The following MMGT1 variants were observed in gnomAD, a reference collection of about 807,000 sequenced individuals.
MMGT1 encodes the protein ER membrane protein complex subunit 5.
Under a neutral mutation model 11.7 loss-of-function variants are expected in MMGT1, and 2 were observed. That is an observed-to-expected ratio of 0.17 (90% CI 0.07 to 0.54). MMGT1 has a LOEUF of 0.54. MMGT1 is among the 20% of genes least tolerant of loss of function. The pLI is 0.94. For missense variants in MMGT1, 74 were observed against 109.0 expected (o/e 0.68, Z 1.43); for synonymous variants, 49 against 44.4 (o/e 1.10, Z -0.41).
chrX:135,972,686 CA>C (rs1335799591), intron 1 of MMGT1, among the ~76,000 whole-genome samples: 2 of 112,094 alleles, frequency 1.8e-5, no homozygotes, highest in Admixed American at 9.5e-5. Flanking sequence ...TCTTCCAGGA[CA>C]GTGTTTCTCA....
At chrX:135,967,313 A>C (rs1476949927) in intron 3 of MMGT1, 77 bp downstream of exon 3, 2 of 664,705 alleles carry the variant, frequency 3.0e-6, no homozygotes, top group African/African-American at 2.2e-5. Context: ...TATGTATCAG[A>C]AAACATACTT....
At chrX:135,968,499 TTGTGTGTGTGTGTGTGTGTG>T (rs61012323) in intron 2 of MMGT1, among the ~76,000 whole-genome samples, 1 of 85,033 alleles carries the variant, frequency 1.2e-5, no homozygotes, top group East Asian at 3.8e-4. Context: ...CATTATGTCA[TTGTGTGTGTGTGTGTGTGTG>T]TGTGTGTGTG....
At chrX:135,965,409 TA>T (rs1477595600) in intron 3 of MMGT1, among the ~76,000 whole-genome samples, 3 of 111,063 alleles carry the variant, frequency 2.7e-5, no homozygotes, top group African/African-American at 9.8e-5. Flanking sequence ...TTCTTCTTTT[TA>T]AAAAAAATAG....
rs1183572885 is a variant in MMGT1, at chrX:135,963,448, T to C, written c.*1576A>G. On this transcript the variant is annotated 3_prime_UTR_variant, in exon 4 of 4. Coordinates refer to ENST00000305963, the MANE Select transcript of MMGT1 (RefSeq NM_173470.3). ...AGCTTGTTTCTTGCATGCTATTTTATCATCATCACTTTAACCCGATTTCAC... is the reference window on the plus strand; with the variant it reads ...AGCTTGTTTCTTGCATGCTATTTTACCATCATCACTTTAACCCGATTTCAC... 1.8e-5 allele frequency: 2 copies of C among 112,206 alleles called. No individual in the cohort carries two copies. Among genetic ancestry groups the C allele is most frequent in the South Asian group, 7.5e-4 (2 of 2,677 alleles). The allele number at this position is 112,206 out of a possible 1,213,427, so 9.2% of individuals were successfully genotyped here.
Position 135,963,412 on chromosome X carries a change from C to T in MMGT1, c.*1612G>A, listed in dbSNP as rs973283241. On this transcript the variant is annotated 3_prime_UTR_variant, in exon 4 of 4. Coordinates refer to ENST00000305963, the MANE Select transcript of MMGT1 (RefSeq NM_173470.3). ...TACCAGAAGAAAACAGTAGCCAAGT[C>T]TGATGGAAGGAGCTTGTTTCTTGCA... 8.9e-6 allele frequency: 1 copy of T among 112,051 alleles called. No homozygotes were observed. Among genetic ancestry groups the T allele is most frequent in the Non-Finnish European group, 1.9e-5 (1 of 53,199 alleles). 9.2% of individuals were successfully genotyped at this position (112,051 alleles called of 1,213,427 possible). A position where few individuals can be genotyped will look rare whatever the true frequency, so the allele number is the denominator to read the frequency against.
intron 2 of MMGT1, 56 bp from the exon 3 acceptor site, chrX:135,967,549 A>G: frequency 1.4e-6 from 1 of 721,739 alleles, no homozygotes; most frequent in South Asian, 2.9e-5. Flanking sequence ...ATAAATATTT[A>G]CAATTTTCTC....
Position 135,961,958 on chromosome X carries a change from A to G in MMGT1, c.*3066T>C, listed in dbSNP as rs374127066. On this transcript the variant is annotated 3_prime_UTR_variant, in exon 4 of 4. Coordinates refer to ENST00000305963, the MANE Select transcript of MMGT1 (RefSeq NM_173470.3). The stretch of plus-strand genomic sequence containing the variant: ...CCATTGAATTCAGTAAAACAGCATC[A>G]CAGTAGAAAAATACAGTCATAAAAT... 3 of 111,091 alleles carry G rather than the reference A, an allele frequency of 2.7e-5. No homozygotes were observed. Among genetic ancestry groups the G allele is most frequent in the African/African-American group, 9.8e-5 (3 of 30,548 alleles). 9.2% of individuals were successfully genotyped at this position (111,091 alleles called of 1,213,427 possible).
chrX:135,965,038 A>G lies in MMGT1; in HGVS notation c.382T>C (p.Ser128Pro), dbSNP rs1556611798. The G allele has an allele frequency of 2.9e-5, 35 of 1,207,058 alleles. No individual in the cohort carries two copies. Among genetic ancestry groups the G allele is most frequent in the Non-Finnish European group, 3.9e-5 (35 of 893,281 alleles). The change falls in exon 4 of 4, where the codon TCA becomes CCA. Residue 128 changes from serine (S) to proline (P), a missense_variant. By Grantham distance (74) the Ser-to-Pro change is moderately conservative. This residue lies in a region of MMGT1 where 34 missense variants were observed against 29.3 expected (regional missense o/e 1.16). Coordinates refer to ENST00000305963, the MANE Select transcript of MMGT1 (RefSeq NM_173470.3). Reference sequence around the variant, plus strand: ...TTGTAAAAATCTTAACGACGCAGTGATTCGAGTTTTCGTAACTTCAATGAT... The same window carrying G: ...TTGTAAAAATCTTAACGACGCAGTGGTTCGAGTTTTCGTAACTTCAATGAT... ...NTSLKLRKLE[S>P]LRR
At chrX:135,973,169 C>T (rs1339460710) in intron 1 of MMGT1, among the ~76,000 whole-genome samples, 1 of 111,915 alleles carries the variant, frequency 8.9e-6, no homozygotes, top group Non-Finnish European at 1.9e-5. Context: ...ACCACAGTGC[C>T]TCCCTGAGGC....
intron 3 of MMGT1, among the ~76,000 whole-genome samples, chrX:135,966,738 G>T (rs2089188564): frequency 1.8e-5 from 2 of 111,811 alleles, no homozygotes; most frequent in Admixed American, 9.5e-5. Context: ...CAAGAAGGTG[G>T]GTAAAGTCCA....
At chrX:135,970,841 G>A (rs945813772) in intron 2 of MMGT1, among the ~76,000 whole-genome samples, 9 of 111,776 alleles carry the variant, frequency 8.1e-5, no homozygotes, top group South Asian at 3.7e-4. Context: ...CCTGGGAGGC[G>A]GAGCTTGCAG....
intron 1 of MMGT1, among the ~76,000 whole-genome samples, chrX:135,971,334 T>C (rs1482058789): frequency 3.6e-5 from 4 of 112,035 alleles, no homozygotes; most frequent in Non-Finnish European, 7.5e-5. Context: ...GGCTGACTTA[T>C]ATGCTACATA....
intron 1 of MMGT1, among the ~76,000 whole-genome samples, chrX:135,972,478 C>T: frequency 8.9e-6 from 1 of 112,191 alleles, no homozygotes; most frequent in Middle Eastern, 4.6e-3. Context: ...CTATCTGGTT[C>T]AATTCCTAGC....
intron 2 of MMGT1, among the ~76,000 whole-genome samples, chrX:135,968,733 G>C: frequency 9.0e-6 from 1 of 110,933 alleles, no homozygotes; most frequent in East Asian, 2.8e-4. Context: ...GTTTCACCAT[G>C]TTGGCCAGGC....
At chrX:135,969,009 G>A (rs1453801032) in intron 2 of MMGT1, among the ~76,000 whole-genome samples, 7 of 111,819 alleles carry the variant, frequency 6.3e-5, no homozygotes, top group African/African-American at 1.9e-4. Flanking sequence ...TGTTCAATTT[G>A]ATTGAGTAAT....
At chrX:135,967,673 T>C (rs1313226562) in intron 2 of MMGT1, among the ~76,000 whole-genome samples, 180 bp from the exon 3 acceptor site, 1 of 111,707 alleles carries the variant, frequency 9.0e-6, no homozygotes, top group African/African-American at 3.3e-5. Flanking sequence ...ATTCTGTGGA[T>C]TGGCTGCAAA....
At position 135,964,456 on chromosome X, in the gene MMGT1, G is replaced by T. The variant is rs781788597; in HGVS notation, c.*568C>A. ...TGAAACAAGACAGCTGATGGTAGAA[G>T]GTATATGGGAGCAGGGTAGGGTGAA... is the stretch of plus-strand genomic sequence containing the variant. On this transcript the variant is annotated 3_prime_UTR_variant, in exon 4 of 4. Transcript: ENST00000305963. 8.9e-6 allele frequency: 1 copy of T among 112,791 alleles called. No individual in the cohort carries two copies. The highest frequency in any genetic ancestry group is 3.2e-5 in the African/African-American group (1 of 31,058). 9.3% of individuals were successfully genotyped at this position (112,791 alleles called of 1,213,427 possible).
chrX:135,970,184 G>A (rs1171896165), intron 2 of MMGT1, among the ~76,000 whole-genome samples: 1 of 110,467 alleles, frequency 9.1e-6, no homozygotes, highest in African/African-American at 3.3e-5. Context: ...GGCCAACACA[G>A]GGAAACCCTG....
rs945548452 is a variant in MMGT1 at position 135,961,601 on chromosome X, G to A, written c.*3423C>T. On this transcript the variant is annotated 3_prime_UTR_variant, in exon 4 of 4. Coordinates refer to ENST00000305963, the MANE Select transcript of MMGT1 (RefSeq NM_173470.3). Reference sequence around the variant, plus strand: ...TTTTGAGATATTCCTAGGTAGGTTTGAATACCGGTGGTGTTATTTTTCAAA... The same window carrying A: ...TTTTGAGATATTCCTAGGTAGGTTTAAATACCGGTGGTGTTATTTTTCAAA... 6.3e-5 allele frequency among the ~76,000 whole-genome samples: 7 copies of A among 111,551 alleles called. No individual in the cohort carries two copies. The highest frequency in any genetic ancestry group is 2.3e-4 in the African/African-American group (7 of 30,662).
Sources: allele counts gnomAD v4.1 joint callset (sites outside exome capture counted in the v4.1 genomes callset), GRCh38; gene constraint gnomAD v4.1.1; regional missense constraint gnomAD v4.1.1; transcripts MANE v1.5; gene names NCBI Gene and HGNC (gene_info 2026-07-23, HGNC 2026-07-21).